Variants in ARL5A observed in about 807,000 individuals in gnomAD.
ARL5A encodes ARF like GTPase 5A.
Under a neutral mutation model 25.9 loss-of-function variants are expected in ARL5A, and 18 were observed. The ratio of observed to expected loss-of-function variants is 0.69; its 90% CI spans 0.48 to 1.03. ARL5A has a LOEUF of 1.03. Among genes scored for constraint, ARL5A ranks in the 50% least tolerant of loss-of-function variants. ARL5A has a pLI of 0.00. For missense variants in ARL5A, 170 were observed against 211.9 expected, an observed-to-expected ratio of 0.80 and a Z score of 1.23; for synonymous variants, 61 against 67.5, an observed-to-expected ratio of 0.90 and a Z score of 0.47.
Position 151,828,413 on chromosome 2 carries a change from G to C in ARL5A, c.-237C>G, listed in dbSNP as rs371614446. On this transcript the variant is annotated 5_prime_UTR_variant, in exon 1 of 6. Coordinates refer to ENST00000295087, the MANE Select transcript of ARL5A (RefSeq NM_012097.4). ...CCTGGCTCGCGGACATCGCCGCCGC[G>C]TTGTCTGCGACGAGCCTCGCGGGCC... 4.6e-3 allele frequency: 1,741 copies of C among 375,332 alleles called. 41 individuals are homozygous for C. The East Asian group carries it at 0.047, about 10-fold the overall frequency. The allele number at this position is 375,332 out of a possible 1,614,324, so 23.3% of individuals were successfully genotyped here.
In ARL5A at chr2:151,826,965, G is replaced by A. The variant is rs368277836; in HGVS notation, c.46+1166C>T. Among the ~76,000 whole-genome samples, 28 of 152,210 alleles carry A rather than the reference G, an allele frequency of 1.8e-4. No homozygotes were observed. In the East Asian group the frequency reaches 3.1e-3, roughly 17 times the overall value. On this transcript the variant is annotated intron_variant, in intron 1 of 5. Transcript: ENST00000295087. ...GTGTGTGCGTAAAAGATACATTAGGGATCACAAGTTCTAGTTCTGCTTGCT... is the reference window on the plus strand; with the variant it reads ...GTGTGTGCGTAAAAGATACATTAGGAATCACAAGTTCTAGTTCTGCTTGCT...
intron 4 of ARL5A, 123 bp from the exon 5 acceptor site, chr2:151,807,095 T>C: frequency 2.4e-6 from 2 of 829,140 alleles, no homozygotes; most frequent in Non-Finnish European, 3.8e-6. Context: ...CATAAAAGCA[T>C]CTCAGTGCCT....
intron 4 of ARL5A, 76 bp downstream of exon 4, chr2:151,812,281 T>A: frequency 9.5e-7 from 1 of 1,050,680 alleles, no homozygotes; most frequent in Non-Finnish European, 1.4e-6. Flanking sequence ...GATAGCACCC[T>A]CATGAGAAAC....
Position 151,806,962 on chromosome 2 carries a change from T to C in ARL5A, c.350A>G (p.Lys117Arg). Residue 117 changes from lysine to arginine, a missense_variant, in exon 5 of 6, where the codon AAA (lysine) becomes AGA (arginine). Coordinates refer to ENST00000295087, the MANE Select transcript of ARL5A (RefSeq NM_012097.4). ...YKMLAHEDLRKAGLLIFANKQ... is the reference protein window; with the variant it reads ...YKMLAHEDLRRAGLLIFANKQ... The stretch of plus-strand genomic sequence containing the variant: ...ATTAGCAAAAATCAGCAATCCAGCT[T>C]TTCTTAGGTCCTATTAAAGCAAATA... 6.2e-7 allele frequency: 1 copy of C among 1,611,276 alleles called. No homozygotes were observed. Among genetic ancestry groups the C allele is most frequent in the Non-Finnish European group, 8.5e-7 (1 of 1,179,026 alleles).
chr2:151,826,228 AAAAT>A (rs1215120146), intron 1 of ARL5A, among the ~76,000 whole-genome samples: 2 of 152,376 alleles, frequency 1.3e-5, no homozygotes, highest in South Asian at 2.1e-4. Flanking sequence ...TGTTTAGCAG[AAAAT>A]AAATAATTTA....
At chr2:151,809,764 C>CCA (rs1427085654) in intron 4 of ARL5A, among the ~76,000 whole-genome samples, 1 of 152,166 alleles carries the variant, frequency 6.6e-6, no homozygotes, top group African/African-American at 2.4e-5. Context: ...CTTCTATATA[C>CCA]CATATATAGT....
At chr2:151,820,153 C>T (rs2099832078) in intron 1 of ARL5A, among the ~76,000 whole-genome samples, 1 of 152,170 alleles carries the variant, frequency 6.6e-6, no homozygotes, top group African/African-American at 2.4e-5. Flanking sequence ...ACTTAGTTGC[C>T]TACTGAGGAA....
chr2:151,803,160 T>C lies in ARL5A; in HGVS notation c.*116A>G, dbSNP rs553927897. 21 of 634,098 alleles carry C rather than the reference T, an allele frequency of 3.3e-5. No individual in the cohort carries two copies. The highest frequency in any genetic ancestry group is 2.4e-4 in the South Asian group (9 of 38,038). The allele number at this position is 634,098 out of a possible 1,614,324, so 39.3% of individuals were successfully genotyped here. On this transcript the variant is annotated 3_prime_UTR_variant, in exon 6 of 6. Coordinates refer to ENST00000295087, the MANE Select transcript of ARL5A (RefSeq NM_012097.4). Reference sequence around the variant, plus strand: ...TAAGTGGTCTTAATTTTTCTTCTTATAGAAAAAGTTTAAATCAGTTTATTA... The same window carrying C: ...TAAGTGGTCTTAATTTTTCTTCTTACAGAAAAAGTTTAAATCAGTTTATTA...
rs1355147835 is a variant in ARL5A at position 151,800,365 on chromosome 2, C to G, written c.*2911G>C. ...CAGGGACTTCATGCCTTTGCTCAAGCTCTGTGCATTTCTCTGGGTCTCAAA... is the reference window on the plus strand; with the variant it reads ...CAGGGACTTCATGCCTTTGCTCAAGGTCTGTGCATTTCTCTGGGTCTCAAA... On this transcript the variant is annotated 3_prime_UTR_variant, in exon 6 of 6. Coordinates refer to ENST00000295087, the MANE Select transcript of ARL5A (RefSeq NM_012097.4). 2 of 152,202 alleles carry G rather than the reference C, an allele frequency of 1.3e-5. No homozygotes were observed. Among genetic ancestry groups the G allele is most frequent in the African/African-American group, 4.8e-5 (2 of 41,458 alleles). The allele number at this position is 152,202 out of a possible 1,614,324, so 9.4% of individuals were successfully genotyped here. A position where few individuals can be genotyped will look rare whatever the true frequency, so the allele number is the denominator to read the frequency against.
At chr2:151,827,898 G>C in intron 1 of ARL5A, 1 of 548,016 alleles carries the variant, frequency 1.8e-6, no homozygotes, top group Non-Finnish European at 3.2e-6. Context: ...GTCTATTACG[G>C]AAAAGACTTC....
intron 4 of ARL5A, among the ~76,000 whole-genome samples, chr2:151,811,968 A>G (rs560430616): frequency 6.6e-6 from 1 of 152,352 alleles, no homozygotes; most frequent in East Asian, 1.9e-4. Context: ...TTACATTTAA[A>G]TATTAGTCTG....
intron 1 of ARL5A, among the ~76,000 whole-genome samples, chr2:151,825,719 CT>C (rs1163789328): frequency 1.3e-5 from 2 of 151,916 alleles, no homozygotes; most frequent in Non-Finnish European, 2.9e-5. Context: ...CCGAAACATA[CT>C]TTCCAAGAGT....
chr2:151,828,382 CA>C lies in ARL5A; in HGVS notation c.-207del, dbSNP rs1352787624. 6.7e-6 allele frequency: 3 copies of C among 450,290 alleles called. No homozygotes were observed. The highest frequency in any genetic ancestry group is 1.2e-5 in the Non-Finnish European group (3 of 257,622). 27.9% of individuals were successfully genotyped at this position (450,290 alleles called of 1,614,324 possible). A position where few individuals can be genotyped will look rare whatever the true frequency, so the allele number is the denominator to read the frequency against. On this transcript the variant is annotated 5_prime_UTR_variant, in exon 1 of 6. The change abolishes the stop of an existing upstream ORF in the 5' untranslated region. Transcript: ENST00000295087. ...CAAGGCCCCGCCGCTGCCGCCGCGGCACTCGCCTGGCTCGCGGACATCGCCG... is the reference window on the plus strand; with the variant it reads ...CAAGGCCCCGCCGCTGCCGCCGCGGCCTCGCCTGGCTCGCGGACATCGCCG...
chr2:151,805,533 G>T (rs2099829977), intron 5 of ARL5A, among the ~76,000 whole-genome samples: 1 of 152,136 alleles, frequency 6.6e-6, no homozygotes, highest in South Asian at 2.1e-4. Context: ...TACATTCTGA[G>T]AAATGTGTCA....
intron 1 of ARL5A, among the ~76,000 whole-genome samples, chr2:151,824,473 A>T (rs1439749571): frequency 7.2e-6 from 1 of 138,946 alleles, no homozygotes; most frequent in Non-Finnish European, 1.6e-5. Flanking sequence ...ACACATTTAA[A>T]CTCCCTAATA....
intron 4 of ARL5A, among the ~76,000 whole-genome samples, chr2:151,808,395 T>C (rs754550599): frequency 2.0e-5 from 3 of 152,254 alleles, no homozygotes; most frequent in Non-Finnish European, 4.4e-5. Flanking sequence ...TTGATGATTC[T>C]TTCTGATGCA....
intron 5 of ARL5A, among the ~76,000 whole-genome samples, chr2:151,806,410 C>G (rs2099830119): frequency 1.3e-5 from 2 of 152,142 alleles, no homozygotes; most frequent in African/African-American, 2.4e-5. Context: ...CACTTAAAAA[C>G]AATTACTCTG....
At chr2:151,825,646 G>C (rs1213005164) in intron 1 of ARL5A, among the ~76,000 whole-genome samples, 1 of 151,968 alleles carries the variant, frequency 6.6e-6, no homozygotes, top group Non-Finnish European at 1.5e-5. Context: ...GTTCTCGAGG[G>C]GTTTCAGAAA....
At chr2:151,814,363 T>A in intron 2 of ARL5A, 47 bp from the exon 3 acceptor site, 1 of 1,425,430 alleles carries the variant, frequency 7.0e-7, no homozygotes, top group Admixed American at 2.6e-5. Flanking sequence ...GGAAGCTAAC[T>A]TGCTTGAACA....
Sources: gnomAD v4.1 joint callset for allele counts (sites outside exome capture counted in the v4.1 genomes callset) on GRCh38, gnomAD v4.1.1 for gene constraint, MANE v1.5 for transcripts, NCBI Gene and HGNC (gene_info 2026-07-23, HGNC 2026-07-21) for gene names.